The following CRBN variants were observed in gnomAD, a reference collection of about 807,000 sequenced individuals.
CRBN encodes the protein cereblon, also known as protein cereblon.
A neutral mutation model predicts 62.2 loss-of-function variants in CRBN; 53 were observed. The observed-to-expected ratio is 0.85, with a 90% confidence interval of 0.68 to 1.07. The LOEUF is 1.07. Among genes scored for constraint, CRBN ranks in the 50% least tolerant of loss-of-function variants. CRBN has a pLI of 0.00. For missense variants in CRBN, 616 were observed against 531.1 expected, an observed-to-expected ratio of 1.16 and a Z score of -1.57; for synonymous variants, 208 against 176.1, an observed-to-expected ratio of 1.18 and a Z score of -1.43.
chr3:3,154,017 G>A lies in CRBN; in HGVS notation c.894C>T (p.Leu298=). The change falls in exon 8 of 11, where the codon CTC becomes CTT. Residue 298 remains leucine, a synonymous_variant. Transcript: ENST00000231948. ...GCTGGATAGCACTGCCAATTTTAAG[G>A]AGCTGAATTCTCAATACATCATCAA... ...LPIDDVLRIQ[L]LKIGSAIQRL... The A allele has an allele frequency of 6.2e-7, 1 of 1,613,742 alleles. No homozygotes were observed. Among genetic ancestry groups the A allele is most frequent in the South Asian group, 1.1e-5 (1 of 91,068 alleles).
rs749799282 is a variant in CRBN at position 3,179,657 on chromosome 3, C to A, written c.31G>T (p.Ala11Ser). MAGEGDQQDA[A>S]HNMGNHLPLL... ...GGCAGGTGGTTGCCCATGTTGTGCG[C>A]AGCGTCCTGCTGATCTCCTTCGCCG... The change falls in exon 1 of 11, where the codon GCG becomes TCG. Residue 11 changes from alanine to serine, a missense_variant. Ala to Ser is a moderately conservative substitution (Grantham distance 99, BLOSUM62 1). Transcript: ENST00000231948. 2.5e-6 allele frequency: 4 copies of A among 1,613,050 alleles called. No individual in the cohort carries two copies. Among genetic ancestry groups the A allele is most frequent in the Middle Eastern group, 1.6e-4 (1 of 6,082 alleles).
At chr3:3,176,854 A>G (rs1362644015) in intron 1 of CRBN, among the ~76,000 whole-genome samples, 1 of 152,278 alleles carries the variant, frequency 6.6e-6, no homozygotes, top group African/African-American at 2.4e-5. Flanking sequence ...TTAGAAAACC[A>G]GATGTTACCA....
At chr3:3,172,717 A>G (rs1707671176) in intron 4 of CRBN, 59 bp downstream of exon 4, 7 of 1,534,830 alleles carry the variant, frequency 4.6e-6, no homozygotes, top group Non-Finnish European at 6.3e-6. Context: ...GAAAAAGTAC[A>G]AGAAAACTAT....
intron 3 of CRBN, chr3:3,173,786 T>C: frequency 2.2e-6 from 1 of 464,352 alleles, no homozygotes; most frequent in Non-Finnish European, 3.9e-6. Flanking sequence ...ATTCCAGAAA[T>C]GTTTTTCATC....
Position 3,152,677 on chromosome 3 carries a change from A to AT in CRBN, c.1017-91dup, listed in dbSNP as rs1222803393. On this transcript the variant is annotated intron_variant, in intron 9 of 10. Transcript: ENST00000231948. ...GAATTTTATTGAAGTTCACCAAGAAATGAGGTATGAGCTATACAGTTTTTA... is the reference window on the plus strand; with the variant it reads ...GAATTTTATTGAAGTTCACCAAGAAATTGAGGTATGAGCTATACAGTTTTTA... 2.2e-5 allele frequency: 32 copies of AT among 1,453,936 alleles called. No homozygotes were observed. In the East Asian group the frequency reaches 7.1e-4, roughly 32 times the overall value. The allele number at this position is 1,453,936 out of a possible 1,614,324, so 90.1% of individuals were successfully genotyped here.
chr3:3,152,151 T>A (rs1479196839), intron 10 of CRBN, among the ~76,000 whole-genome samples: 1 of 18,946 alleles, frequency 5.3e-5, no homozygotes, highest in Admixed American at 5.6e-4. Context: ...TTTAAATAAA[T>A]TTTTTTTTTT....
chr3:3,170,193 C>G (rs751992402), intron 4 of CRBN, among the ~76,000 whole-genome samples: 34 of 152,254 alleles, frequency 2.2e-4, no homozygotes, highest in Non-Finnish European at 4.0e-4. Flanking sequence ...GTTGGCCAAG[C>G]TGGTCTTGAA....
chr3:3,164,971 G>C (rs1707273029), intron 5 of CRBN, among the ~76,000 whole-genome samples: 1 of 152,198 alleles, frequency 6.6e-6, no homozygotes, highest in Non-Finnish European at 1.5e-5. Flanking sequence ...CATGATTCAT[G>C]GGAGGTGGTG....
At chr3:3,151,840 A>AAACAAAG (rs1243998578) in intron 10 of CRBN, among the ~76,000 whole-genome samples, 14 of 57,022 alleles carry the variant, frequency 2.5e-4, no homozygotes, top group African/African-American at 5.9e-4. Flanking sequence ...AACAAACAAA[A>AAACAAAG]GGCAAACTAG....
intron 1 of CRBN, among the ~76,000 whole-genome samples, chr3:3,177,092 C>A (rs1037989788): frequency 2.0e-5 from 3 of 152,102 alleles, no homozygotes; most frequent in Admixed American, 1.3e-4. Context: ...CTACAATGCA[C>A]GAGACAATCC....
At chr3:3,153,663 CTG>C (rs1559242658) in intron 8 of CRBN, 175 bp from the exon 9 acceptor site, 2 of 630,568 alleles carry the variant, frequency 3.2e-6, no homozygotes, top group East Asian at 5.5e-5. Flanking sequence ...GTCACTGAAA[CTG>C]AGATCTGCCA....
chr3:3,163,011 G>A (rs1336211602), intron 5 of CRBN, among the ~76,000 whole-genome samples: 2 of 152,156 alleles, frequency 1.3e-5, no homozygotes, highest in Admixed American at 6.6e-5. Context: ...TGCATACGGA[G>A]TTCCTACCAA....
At chr3:3,152,365 A>T (rs1706626420) in intron 10 of CRBN, 91 bp downstream of exon 10, 1 of 1,338,972 alleles carries the variant, frequency 7.5e-7, no homozygotes. Flanking sequence ...TTTATTATAA[A>T]GATTGTGGCA....
intron 5 of CRBN, chr3:3,167,295 C>A (rs1488971148): frequency 4.7e-6 from 1 of 213,046 alleles, no homozygotes; most frequent in African/African-American, 2.4e-5. Context: ...ATCCTCCCTT[C>A]TTTAAGATAA....
intron 3 of CRBN, among the ~76,000 whole-genome samples, chr3:3,173,284 C>T (rs184342314): frequency 1.3e-5 from 2 of 152,226 alleles, no homozygotes; most frequent in Admixed American, 1.3e-4. Context: ...TCTCAAACTC[C>T]CGACCTCAGG....
intron 10 of CRBN, 42 bp downstream of exon 10, chr3:3,152,414 G>T (rs1706629114): frequency 6.3e-7 from 1 of 1,584,886 alleles, no homozygotes; most frequent in African/African-American, 1.4e-5. Flanking sequence ...CCCAATTAAG[G>T]TAAAAAAAGA....
At chr3:3,169,737 G>C (rs1052200591) in intron 4 of CRBN, among the ~76,000 whole-genome samples, 2 of 152,112 alleles carry the variant, frequency 1.3e-5, no homozygotes, top group Admixed American at 1.3e-4. Flanking sequence ...GTGATTTCCA[G>C]CTTCAGCTAA....
chr3:3,158,291 A>C (rs770252397), intron 5 of CRBN, among the ~76,000 whole-genome samples: 3 of 152,220 alleles, frequency 2.0e-5, no homozygotes, highest in Non-Finnish European at 2.9e-5. Flanking sequence ...GGTGGCGCTC[A>C]GCTTCACTTG....
chr3:3,178,259 T>C (rs1297874694), intron 1 of CRBN, among the ~76,000 whole-genome samples: 1 of 152,230 alleles, frequency 6.6e-6, no homozygotes, highest in African/African-American at 2.4e-5. Context: ...TCAGCTAGAA[T>C]GGCTTCGAGA....
Sources: gnomAD v4.1 joint callset for allele counts (sites outside exome capture counted in the v4.1 genomes callset) on GRCh38, gnomAD v4.1.1 for gene constraint, MANE v1.5 for transcripts, NCBI Gene and HGNC (gene_info 2026-07-23, HGNC 2026-07-21) for gene names.